Variants in GNAL observed in about 807,000 individuals in gnomAD.
GNAL encodes the protein guanine nucleotide-binding protein G(olf) subunit alpha.
In GNAL, 18 loss-of-function variants were observed where a neutral mutation model predicts 55.1. That is an observed-to-expected ratio of 0.33 (90% CI 0.23 to 0.48). The LOEUF (loss-of-function observed/expected upper bound fraction) is 0.48. Among genes scored for constraint, GNAL ranks in the 20% least tolerant of loss-of-function variants. The probability of loss-of-function intolerance (pLI) is 0.99; values close to 1 mark genes in which losing one functional copy is unlikely to be tolerated. For missense variants in GNAL, 412 were observed against 614.1 expected (o/e 0.67, Z 3.48); for synonymous variants, 253 against 237.0 (o/e 1.07, Z -0.62).
At chr18:11,810,343 C>G (rs941390422) in intron 4 of GNAL, 2 of 152,444 alleles carry the variant, frequency 1.3e-5, no homozygotes, top group Admixed American at 1.3e-4. Context: ...TGCAGTAAGC[C>G]GAGATCGCAT....
chr18:11,736,813 T>C (rs1289568219), intron 1 of GNAL, among the ~76,000 whole-genome samples: 1 of 152,246 alleles, frequency 6.6e-6, no homozygotes, highest in African/African-American at 2.4e-5. Context: ...TGTATATGGA[T>C]GGTTGATTAG....
chr18:11,843,802 C>A (rs577134586), intron 5 of GNAL, among the ~76,000 whole-genome samples: 2 of 150,724 alleles, frequency 1.3e-5, no homozygotes, highest in Admixed American at 6.6e-5. Flanking sequence ...GGATAAACCC[C>A]ATCTCTACTA....
chr18:11,881,013 G>A lies in GNAL; in HGVS notation c.1255G>A (p.Gly419Ser), dbSNP rs777527807. 1.2e-5 allele frequency: 20 copies of A among 1,614,110 alleles called. No homozygotes were observed. The highest frequency in any genetic ancestry group is 2.2e-5 in the South Asian group (2 of 91,076). Residue 419 changes from glycine (G) to serine (S), a missense_variant, in exon 12 of 12, where the codon GGC (glycine) becomes AGC (serine). By Grantham distance (56) the Gly-to-Ser change is moderately conservative (BLOSUM62 0). Coordinates refer to ENST00000334049, the MANE Select transcript of GNAL (RefSeq NM_182978.4). The surrounding 1 kb of genome is among the most constrained non-coding windows in gnomAD (Gnocchi z 4.8). ...GAGGATCAGCACGGCCACCGGTGAC[G>A]GCAAACATTACTGCTACCCGCACTT... The part of the protein sequence containing the change: ...FLRISTATGD[G>S]KHYCYPHFTC...
intron 4 of GNAL, among the ~76,000 whole-genome samples, chr18:11,801,535 G>A (rs749581608): frequency 6.6e-6 from 1 of 152,140 alleles, no homozygotes; most frequent in Non-Finnish European, 1.5e-5. Context: ...TCCCGTTGGA[G>A]GATTTTGAGT....
intron 9 of GNAL, among the ~76,000 whole-genome samples, chr18:11,871,982 A>C (rs574397449): frequency 6.6e-6 from 1 of 152,356 alleles, no homozygotes; most frequent in Non-Finnish European, 1.5e-5. Flanking sequence ...AAAGTGTCAA[A>C]TGCTCCGACA....
chr18:11,689,967 CG>C lies in GNAL; in HGVS notation c.376+29del, dbSNP rs1277305703. 7.3e-6 allele frequency: 9 copies of C among 1,231,662 alleles called. No individual in the cohort carries two copies. In the East Asian group the frequency reaches 2.2e-4, roughly 31 times the overall value. 76.3% of individuals were successfully genotyped at this position (1,231,662 alleles called of 1,614,324 possible). A position where few individuals can be genotyped will look rare whatever the true frequency, so the allele number is the denominator to read the frequency against. ...AGGTCCCGGCCGCGAGGTCGGCTGA[CG>C]CCCCGGGGACAGCGCGCCGGGCCCG... On this transcript the variant is annotated intron_variant, in intron 1 of 11. Transcript: ENST00000334049.
intron 7 of GNAL, among the ~76,000 whole-genome samples, chr18:11,865,806 A>G (rs189152438): frequency 2.0e-5 from 3 of 146,772 alleles, no homozygotes; most frequent in Non-Finnish European, 4.4e-5. Flanking sequence ...ATCTCAGCCC[A>G]TGGTGACCCC....
chr18:11,838,986 T>C (rs574066015), intron 5 of GNAL, among the ~76,000 whole-genome samples: 33 of 152,196 alleles, frequency 2.2e-4, no homozygotes, highest in Non-Finnish European at 4.7e-4. Context: ...AACATATAAA[T>C]ATGAGATGTT....
chr18:11,870,703 C>T (rs185443171), intron 9 of GNAL, among the ~76,000 whole-genome samples: 255 of 152,106 alleles, frequency 1.7e-3, no homozygotes, highest in Non-Finnish European at 1.6e-3. Flanking sequence ...ATATTTAGCG[C>T]GCACACACAC....
intron 5 of GNAL, among the ~76,000 whole-genome samples, chr18:11,847,728 G>A (rs957618698): frequency 1.3e-5 from 2 of 151,992 alleles, no homozygotes; most frequent in African/African-American, 4.8e-5. Flanking sequence ...ATTATAAACT[G>A]TATGTTCTGT....
At chr18:11,817,743 A>G (rs79003540) in intron 4 of GNAL, among the ~76,000 whole-genome samples, 2 of 150,466 alleles carry the variant, frequency 1.3e-5, no homozygotes, top group Admixed American at 6.6e-5. Context: ...TGCGTGCCAC[A>G]ACACCGGGCT....
intron 5 of GNAL, chr18:11,854,364 A>G (rs917387487): frequency 6.0e-6 from 1 of 167,142 alleles, no homozygotes; most frequent in Non-Finnish European, 1.5e-5. Context: ...CTACAGGCCC[A>G]TGAATTACTT....
chr18:11,823,945 G>A (rs554735858), intron 4 of GNAL, among the ~76,000 whole-genome samples: 1 of 152,264 alleles, frequency 6.6e-6, no homozygotes, highest in South Asian at 2.1e-4. Flanking sequence ...GATGAAAAAT[G>A]TTCTTCTTTC....
At chr18:11,761,129 G>A (rs2033228331) in intron 4 of GNAL, among the ~76,000 whole-genome samples, 2 of 152,248 alleles carry the variant, frequency 1.3e-5, no homozygotes. Context: ...CCCGTGGTCT[G>A]ACATGGCTTA....
At chr18:11,693,852 ATTTT>A (rs35736728) in intron 1 of GNAL, among the ~76,000 whole-genome samples, 4 of 109,844 alleles carry the variant, frequency 3.6e-5, no homozygotes, top group Admixed American at 9.9e-5. Flanking sequence ...CTATGTCGCT[ATTTT>A]TTTTTTTTTT....
intron 1 of GNAL, among the ~76,000 whole-genome samples, chr18:11,691,488 G>T (rs1235768525): frequency 6.0e-5 from 9 of 149,418 alleles, no homozygotes; most frequent in Admixed American, 5.9e-4. Flanking sequence ...GTCAATTTTG[G>T]CTTTTGTTGC....
rs2037063134 is a variant in GNAL, at chr18:11,885,454, G to A, written c.*4319G>A. 3.5e-6 allele frequency: 2 copies of A among 567,882 alleles called. No homozygotes were observed. The highest frequency in any genetic ancestry group is 3.2e-5 in the Admixed American group (1 of 31,274). The allele number at this position is 567,882 out of a possible 1,614,324, so 35.2% of individuals were successfully genotyped here. ...GAAGGATAAAGTCCACCTGGACGGT[G>A]CCCTGCCCTCGCTTCTCACATTAAC... On this transcript the variant is annotated 3_prime_UTR_variant, in exon 12 of 12. Coordinates refer to ENST00000334049, the MANE Select transcript of GNAL (RefSeq NM_182978.4).
chr18:11,821,009 A>G (rs1253203107), intron 4 of GNAL, among the ~76,000 whole-genome samples: 1 of 152,228 alleles, frequency 6.6e-6, no homozygotes, highest in African/African-American at 2.4e-5. Context: ...TTCGTCTCCT[A>G]TAAAGCAGTT....
At chr18:11,762,004 A>G (rs1185961717) in intron 4 of GNAL, among the ~76,000 whole-genome samples, 1 of 152,230 alleles carries the variant, frequency 6.6e-6, no homozygotes, top group Non-Finnish European at 1.5e-5. Flanking sequence ...AGGGCCTAAC[A>G]GAAGTCCCAC....
Sources: gnomAD v4.1 joint callset for allele counts (sites outside exome capture counted in the v4.1 genomes callset) on GRCh38, gnomAD v4.1.1 for gene constraint, Gnocchi (gnomAD v3.1) non-coding constraint, MANE v1.5 for transcripts, NCBI Gene and HGNC (gene_info 2026-07-23, HGNC 2026-07-21) for gene names.